CTNNA3: variants seen among roughly 807,000 people sequenced by gnomAD.
The protein encoded by CTNNA3 is catenin alpha 3.
A neutral mutation model predicts 95.7 loss-of-function variants in CTNNA3; 76 were observed. That is an observed-to-expected ratio of 0.79 (90% CI 0.66 to 0.96). The LOEUF (loss-of-function observed/expected upper bound fraction) is 0.96, where lower values mean the gene tolerates loss of function less well. CTNNA3 is among the 40% of genes least tolerant of loss of function. The pLI, the probability that CTNNA3 is intolerant of heterozygous loss-of-function variation, is 0.00. For missense variants in CTNNA3, 1,191 were observed against 1,089.8 expected (o/e 1.09, Z -1.31); for synonymous variants, 431 against 374.4 (o/e 1.15, Z -1.74).
intron 11 of CTNNA3, among the ~76,000 whole-genome samples, chr10:66,446,684 A>C (rs960636604): frequency 1.6e-4 from 24 of 152,210 alleles, no homozygotes; most frequent in African/African-American, 5.3e-4. Context: ...TAAAAATAAT[A>C]AGAGCTATCT....
chr10:67,553,972 A>G (rs1352114433), intron 3 of CTNNA3, among the ~76,000 whole-genome samples: 1 of 151,958 alleles, frequency 6.6e-6, no homozygotes, highest in Non-Finnish European at 1.5e-5. Flanking sequence ...AAGTGTTCCC[A>G]TTGTTCAATG....
At chr10:66,531,129 A>C (rs889484236) in intron 10 of CTNNA3, among the ~76,000 whole-genome samples, 3 of 152,220 alleles carry the variant, frequency 2.0e-5, no homozygotes, top group African/African-American at 7.2e-5. Flanking sequence ...CTTCCAAATT[A>C]AATAAGTAAA....
intron 17 of CTNNA3, among the ~76,000 whole-genome samples, chr10:65,922,902 A>C (rs2077112604): frequency 6.6e-6 from 1 of 152,194 alleles, no homozygotes; most frequent in South Asian, 2.1e-4. Context: ...CAGAAGGGGA[A>C]GCAGACACAT....
At chr10:66,444,541 T>G (rs1223591229) in intron 11 of CTNNA3, among the ~76,000 whole-genome samples, 1 of 151,828 alleles carries the variant, frequency 6.6e-6, no homozygotes, top group African/African-American at 2.4e-5. Context: ...AAGAAAAGAA[T>G]TTTCAACCCA....
chr10:66,922,391 C>A (rs959506325), intron 7 of CTNNA3, among the ~76,000 whole-genome samples: 2 of 152,144 alleles, frequency 1.3e-5, no homozygotes, highest in Non-Finnish European at 2.9e-5. Context: ...TTACTAAAAT[C>A]TTTTAGAACA....
intron 3 of CTNNA3, among the ~76,000 whole-genome samples, chr10:67,540,297 A>G (rs1189165043): frequency 3.9e-5 from 6 of 152,042 alleles, no homozygotes; most frequent in Admixed American, 3.9e-4. Context: ...AGGGTATAAA[A>G]TGAAAATATT....
Position 66,668,457 on chromosome 10 carries a change from T to TGTGTGTGTGTGA in CTNNA3, c.1282-46674_1282-46673insTCACACACACAC, listed in dbSNP as rs777242549. 1.6e-3 allele frequency among the ~76,000 whole-genome samples: 237 copies of TGTGTGTGTGTGA among 149,818 alleles called. 2 individuals are homozygous for TGTGTGTGTGTGA. The highest frequency in any genetic ancestry group is 5.5e-3 in the African/African-American group (223 of 40,822). Reference sequence around the variant, plus strand: ...GTGTGTGTGTGTGTGTGTGTGTGTGTGATACACATCCACATATATACATAC... The same window carrying TGTGTGTGTGTGA: ...GTGTGTGTGTGTGTGTGTGTGTGTGTGTGTGTGTGTGAGATACACATCCACATATATACATAC... On this transcript the variant is annotated intron_variant, in intron 9 of 17. Coordinates refer to ENST00000433211, the MANE Select transcript of CTNNA3 (RefSeq NM_013266.4).
chr10:66,327,549 C>T (rs1390492078), intron 12 of CTNNA3, among the ~76,000 whole-genome samples: 1 of 151,982 alleles, frequency 6.6e-6, no homozygotes, highest in Non-Finnish European at 1.5e-5. Context: ...GTACATGTGG[C>T]ATATATTTCT....
chr10:67,638,763 G>T (rs1483896012), intron 2 of CTNNA3, among the ~76,000 whole-genome samples: 1 of 152,004 alleles, frequency 6.6e-6, no homozygotes, highest in Non-Finnish European at 1.5e-5. Context: ...ATGACTACTG[G>T]GTACATAACA....
At chr10:67,719,273 G>A (rs1418511374) in intron 1 of CTNNA3, among the ~76,000 whole-genome samples, 1 of 150,992 alleles carries the variant, frequency 6.6e-6, no homozygotes, top group Admixed American at 6.6e-5. Flanking sequence ...TTGATTTTTG[G>A]AAGGGTTTTT....
chr10:66,996,710 A>C (rs998867450), intron 7 of CTNNA3, among the ~76,000 whole-genome samples: 28 of 146,348 alleles, frequency 1.9e-4, no homozygotes, highest in African/African-American at 6.5e-4. Context: ...TATTTGAGTT[A>C]ATTAGCGCCT....
intron 13 of CTNNA3, among the ~76,000 whole-genome samples, chr10:66,104,335 T>C (rs1409564368): frequency 6.6e-6 from 1 of 152,240 alleles, no homozygotes; most frequent in African/African-American, 2.4e-5. Context: ...GAATTGTCTA[T>C]TCTGTGAGGC....
intron 5 of CTNNA3, among the ~76,000 whole-genome samples, chr10:67,223,349 G>C (rs1864743193): frequency 6.6e-6 from 1 of 152,168 alleles, no homozygotes; most frequent in Non-Finnish European, 1.5e-5. Flanking sequence ...AAAGGTTCTT[G>C]TTTGTCCATT....
chr10:67,454,642 G>A (rs1394530232), intron 5 of CTNNA3, among the ~76,000 whole-genome samples: 1 of 151,994 alleles, frequency 6.6e-6, no homozygotes, highest in South Asian at 2.1e-4. Flanking sequence ...AGTCTCTTAT[G>A]GGCCTTATTA....
chr10:66,666,083 C>T (rs1461828246), intron 9 of CTNNA3, among the ~76,000 whole-genome samples: 2 of 152,006 alleles, frequency 1.3e-5, no homozygotes, highest in Non-Finnish European at 2.9e-5. Flanking sequence ...GAAAACAGGC[C>T]CCTGGATGTT....
At chr10:66,771,564 C>T (rs1377711497) in intron 8 of CTNNA3, among the ~76,000 whole-genome samples, 1 of 152,156 alleles carries the variant, frequency 6.6e-6, no homozygotes, top group African/African-American at 2.4e-5. Context: ...GCCATAATCC[C>T]TAGCCCCTGG....
chr10:66,243,883 T>A (rs1326046346), intron 13 of CTNNA3, among the ~76,000 whole-genome samples: 1 of 151,892 alleles, frequency 6.6e-6, no homozygotes, highest in East Asian at 1.9e-4. Context: ...TGGGTGAGAC[T>A]TTGAGACATG....
chr10:67,133,176 T>A (rs1055207123), intron 7 of CTNNA3, among the ~76,000 whole-genome samples: 2 of 151,182 alleles, frequency 1.3e-5, no homozygotes, highest in African/African-American at 4.9e-5. Flanking sequence ...AAAACTCATA[T>A]GTACTCCGTA....
chr10:66,962,411 TG>T (rs1408753719), intron 7 of CTNNA3, among the ~76,000 whole-genome samples: 1 of 140,192 alleles, frequency 7.1e-6, no homozygotes, highest in Non-Finnish European at 1.5e-5. Flanking sequence ...TTTTTGTTTT[TG>T]TTTTTGTTTT....
Sources: allele counts gnomAD v4.1 joint callset (sites outside exome capture counted in the v4.1 genomes callset), GRCh38; gene constraint gnomAD v4.1.1; transcripts MANE v1.5; gene names NCBI Gene and HGNC (gene_info 2026-07-23, HGNC 2026-07-21).